The following RNFT1 variants were observed in gnomAD, a reference collection of about 807,000 sequenced individuals.
RNFT1 encodes ring finger protein, transmembrane 1.
RNFT1 carries 35 observed loss-of-function variants against 53.2 expected under a neutral mutation model. The observed-to-expected ratio is 0.66, with a 90% CI of 0.50 to 0.87. The LOEUF is 0.87. Among genes scored for constraint, RNFT1 ranks in the 40% least tolerant of loss-of-function variants. The pLI is 0.00. For missense variants in RNFT1, 421 were observed against 515.0 expected (o/e 0.82, Z 1.77); for synonymous variants, 141 against 172.8 (o/e 0.82, Z 1.44).
chr17:59,957,354 A>C lies in RNFT1; in HGVS notation c.875T>G (p.Leu292Trp). 6.2e-7 allele frequency: 1 copy of C among 1,613,644 alleles called. No homozygotes were observed. ...KGYWYMLLEE[L>W]CQYYRTFVPI... ...AACAAAAGTTCGGTAGTATTGACAC[A>C]ATTCTTCTAAAAGCATATACCAGTA... The change falls in exon 6 of 9, where the codon TTG (leucine) becomes TGG (tryptophan). Residue 292 changes from leucine (L) to tryptophan (W), a missense_variant. Coordinates refer to ENST00000305783, the MANE Select transcript of RNFT1 (RefSeq NM_016125.4).
rs2045226299 is a variant in RNFT1 at position 59,952,442 on chromosome 17, AAATT to A, written c.*531_*534del. On this transcript the variant is annotated 3_prime_UTR_variant, in exon 9 of 9. Coordinates refer to ENST00000305783, the MANE Select transcript of RNFT1 (RefSeq NM_016125.4). ...AATACTATAATGTATCATCCTCAGT[AAATT>A]AATCTTCACTTAGAAAATGTTACTG... The A allele has an allele frequency of 6.6e-6, 1 of 152,380 alleles. No homozygotes were observed. Among genetic ancestry groups the A allele is most frequent in the Admixed American group, 6.5e-5 (1 of 15,302 alleles). 9.4% of individuals were successfully genotyped at this position (152,380 alleles called of 1,614,324 possible). A position where few individuals can be genotyped will look rare whatever the true frequency, so the allele number is the denominator to read the frequency against.
chr17:59,962,320 A>ATTT, intron 3 of RNFT1: 1 of 440,660 alleles, frequency 2.3e-6, no homozygotes, highest in African/African-American at 2.0e-5. Context: ...ACAGTAACCA[A>ATTT]TTTTTTTTTC....
At chr17:59,958,710 G>T in intron 4 of RNFT1, 1 of 508,624 alleles carries the variant, frequency 2.0e-6, no homozygotes, top group Non-Finnish European at 3.8e-6. Flanking sequence ...GCCTGTAAAT[G>T]AAAAAAACTC....
At chr17:59,958,561 C>T (rs550753999) in intron 4 of RNFT1, 117 bp from the exon 5 acceptor site, 5 of 861,002 alleles carry the variant, frequency 5.8e-6, no homozygotes, top group African/African-American at 1.7e-5. Context: ...ATGAGTTTGG[C>T]AGGATGTCAG....
In RNFT1 at chr17:59,962,830, T is replaced by G. The variant is rs373016769; in HGVS notation, c.511A>C (p.Thr171Pro). 3.1e-6 allele frequency: 5 copies of G among 1,609,390 alleles called. No homozygotes were observed. In the African/African-American group the frequency reaches 6.7e-5, roughly 22 times the overall value. Residue 171 changes from threonine (T) to proline (P), a missense_variant, in exon 2 of 9, where the codon ACA (threonine) becomes CCA (proline). Coordinates refer to ENST00000305783, the MANE Select transcript of RNFT1 (RefSeq NM_016125.4). ...LSVKLVMQHI[T>P]GISLGIGLLT... The stretch of plus-strand genomic sequence containing the variant: ...TCAATGTTTTATTATGTCCTACCTG[T>G]TATATGCTGCATAACAAGTTTGACG...
Position 59,964,711 on chromosome 17 carries a change from A to C in RNFT1, c.-48T>G. The C allele has an allele frequency of 6.4e-7, 1 of 1,553,344 alleles. No homozygotes were observed. The highest frequency in any genetic ancestry group is 8.7e-7 in the Non-Finnish European group (1 of 1,148,056). On this transcript the variant is annotated 5_prime_UTR_variant, in exon 1 of 9. Transcript: ENST00000305783. ...CGGGGCCATCAACCGCAAACCCCGC[A>C]AGCTCTTCTCTCAGCCCGGCGGCAA... is the stretch of plus-strand genomic sequence containing the variant.
intron 8 of RNFT1, 35 bp from the exon 9 acceptor site, chr17:59,953,146 A>T: frequency 6.6e-7 from 1 of 1,508,132 alleles, no homozygotes; most frequent in Non-Finnish European, 9.1e-7. Flanking sequence ...TTGATATTTG[A>T]TAATCATTTT....
At chr17:59,957,860 CA>C (rs964496558) in intron 5 of RNFT1, among the ~76,000 whole-genome samples, 14 of 149,120 alleles carry the variant, frequency 9.4e-5, no homozygotes, top group Admixed American at 5.3e-4. Flanking sequence ...AAAACAAAAC[CA>C]AAAAAAAAGA....
At chr17:59,953,968 C>A in intron 8 of RNFT1, 77 bp downstream of exon 8, 8 of 855,080 alleles carry the variant, frequency 9.4e-6, no homozygotes, top group East Asian at 2.9e-5. Context: ...TTTTGCCTTA[C>A]AGCAAACATA....
rs748606179 is a variant in RNFT1 at position 59,964,668 on chromosome 17, C to T, written c.-5G>A. On this transcript the variant is annotated 5_prime_UTR_variant, in exon 1 of 9. Coordinates refer to ENST00000305783, the MANE Select transcript of RNFT1 (RefSeq NM_016125.4). ...CGACAGCAAGAACAGCGGCATACACCGCCTCCAGCCCTTCAGTCGGGGCCA... is the reference window on the plus strand; with the variant it reads ...CGACAGCAAGAACAGCGGCATACACTGCCTCCAGCCCTTCAGTCGGGGCCA... 3.7e-6 allele frequency: 6 copies of T among 1,604,176 alleles called. No homozygotes were observed. In the South Asian group the frequency reaches 4.5e-5, roughly 12 times the overall value.
At chr17:59,962,806 C>T (rs1568546771) in intron 2 of RNFT1, 21 bp downstream of exon 2, 1 of 1,570,122 alleles carries the variant, frequency 6.4e-7, no homozygotes, top group Non-Finnish European at 8.7e-7. Context: ...GAAAACAAGT[C>T]AATGTTTTAT....
At chr17:59,957,062 C>T (rs1403638909) in intron 6 of RNFT1, among the ~76,000 whole-genome samples, 162 bp downstream of exon 6, 2 of 152,190 alleles carry the variant, frequency 1.3e-5, no homozygotes, top group Non-Finnish European at 2.9e-5. Flanking sequence ...TTAAGATAGT[C>T]TATTTCCGTT....
rs1308247910 is a variant in RNFT1 at position 59,962,538 on chromosome 17, A to C, written c.591+2T>G. On this transcript the variant is annotated splice_donor_variant, in intron 3 of 8. Transcript: ENST00000305783. LOFTEE classifies it high-confidence loss of function. ...AATTTTTTAGTTGCTTGTTATACTT[A>C]CTCTTAGAAAAACCTGATTTACAAT... 6.3e-7 allele frequency: 1 copy of C among 1,588,778 alleles called. No individual in the cohort carries two copies. Among genetic ancestry groups the C allele is most frequent in the Admixed American group, 1.7e-5 (1 of 57,776 alleles).
At position 59,963,247 on chromosome 17, in the gene RNFT1, T is replaced by C; in HGVS notation, c.94A>G (p.Lys32Glu). 2 of 1,612,656 alleles carry C rather than the reference T, an allele frequency of 1.2e-6. No homozygotes were observed. The highest frequency in any genetic ancestry group is 1.7e-6 in the Non-Finnish European group (2 of 1,179,474). Residue 32 changes from lysine (K) to glutamate (E), a missense_variant, in exon 2 of 9, where the codon AAA (lysine) becomes GAA (glutamate). Lys to Glu is a moderately conservative substitution (Grantham distance 56). Coordinates refer to ENST00000305783, the MANE Select transcript of RNFT1 (RefSeq NM_016125.4). ...RPEAKTSGSE[K>E]KYLRAMQANR... The stretch of plus-strand genomic sequence containing the variant: ...GCTTGCATGGCCCTTAAATACTTTT[T>C]CTCTGACCCAGATGTCTTTGCTTCA...
intron 3 of RNFT1, among the ~76,000 whole-genome samples, chr17:59,960,774 C>T (rs1379219758): frequency 6.6e-6 from 1 of 151,986 alleles, no homozygotes; most frequent in African/African-American, 2.4e-5. Flanking sequence ...GATCACGCCA[C>T]TGCACTCCAG....
intron 1 of RNFT1, 105 bp from the exon 2 acceptor site, chr17:59,963,389 A>G (rs1396519558): frequency 6.5e-6 from 6 of 923,876 alleles, no homozygotes; most frequent in African/African-American, 1.7e-5. Flanking sequence ...GCAAATAATC[A>G]CAACAGATGA....
In RNFT1 at chr17:59,958,357, G is replaced by A. The variant is rs777855381; in HGVS notation, c.780C>T (p.Phe260=). Residue 260 remains phenylalanine, a synonymous_variant, in exon 5 of 9, where the codon TTC becomes TTT. Transcript: ENST00000305783. ...TAAGGCATTTTAAGCCCATGAAAAA[G>A]AATTTCAGAATGAAGTCTGTAATTC... ...IVGITDFILK[F]FFMGLKCLIL... is the part of the protein sequence containing the mutation. The A allele has an allele frequency of 6.2e-7, 1 of 1,606,310 alleles. No homozygotes were observed. The highest frequency in any genetic ancestry group is 2.2e-5 in the East Asian group (1 of 44,606).
rs1359510949 is a variant in RNFT1, at chr17:59,964,659, G to A, written c.5C>T (p.Pro2Leu). The change falls in exon 1 of 9, where the codon CCG becomes CTG. Residue 2 changes from proline (P) to leucine (L), a missense_variant. Pro to Leu is a moderately conservative substitution (Grantham distance 98). Coordinates refer to ENST00000305783, the MANE Select transcript of RNFT1 (RefSeq NM_016125.4). Reference sequence around the variant, plus strand: ...TGTCGGGAGCGACAGCAAGAACAGCGGCATACACCGCCTCCAGCCCTTCAG... The same window carrying A: ...TGTCGGGAGCGACAGCAAGAACAGCAGCATACACCGCCTCCAGCCCTTCAG... Reference protein sequence around the residue: MPLFLLSLPTPP... With the variant: MLLFLLSLPTPP... 15 of 1,606,588 alleles carry A rather than the reference G, an allele frequency of 9.3e-6. No individual in the cohort carries two copies. In the Admixed American group the frequency reaches 2.4e-4, roughly 25 times the overall value.
intron 3 of RNFT1, among the ~76,000 whole-genome samples, chr17:59,961,219 G>A (rs2045289780): frequency 1.3e-5 from 2 of 151,150 alleles, no homozygotes; most frequent in South Asian, 4.2e-4. Context: ...TGTATTTTTT[G>A]TAGAGATGGG....
Sources: gnomAD v4.1 joint callset for allele counts (sites outside exome capture counted in the v4.1 genomes callset) on GRCh38, gnomAD v4.1.1 for gene constraint, MANE v1.5 for transcripts, NCBI Gene and HGNC (gene_info 2026-07-23, HGNC 2026-07-21) for gene names.